The following NRG3 variants were observed in gnomAD, a reference collection of about 807,000 sequenced individuals.
NRG3 encodes the protein pro-neuregulin-3, membrane-bound isoform.
A neutral mutation model predicts 66.9 loss-of-function variants in NRG3; 31 were observed. That is an observed-to-expected ratio of 0.46 (90% CI 0.35 to 0.63). The LOEUF (loss-of-function observed/expected upper bound fraction) is 0.63. NRG3 is among the 20% of genes least tolerant of loss of function. NRG3 has a pLI of 0.00. For missense variants in NRG3, 910 were observed against 878.9 expected, an observed-to-expected ratio of 1.04 and a Z score of -0.45; for synonymous variants, 393 against 359.4, an observed-to-expected ratio of 1.09 and a Z score of -1.06.
intron 1 of NRG3, among the ~76,000 whole-genome samples, chr10:82,325,654 A>G (rs1040124248): frequency 1.3e-5 from 2 of 148,612 alleles, no homozygotes; most frequent in South Asian, 4.3e-4. Flanking sequence ...TCTTACCTCT[A>G]TTTCTTTGTT....
chr10:82,490,705 A>G (rs1482529288), intron 2 of NRG3, among the ~76,000 whole-genome samples: 3 of 152,118 alleles, frequency 2.0e-5, no homozygotes, highest in African/African-American at 7.2e-5. Context: ...CAGATATTTA[A>G]GACAATATCT....
At chr10:82,234,311 A>C (rs1384899695) in intron 1 of NRG3, among the ~76,000 whole-genome samples, 1 of 152,232 alleles carries the variant, frequency 6.6e-6, no homozygotes, top group Non-Finnish European at 1.5e-5. Context: ...AGATCTCCAT[A>C]GAAACACTGT....
chr10:81,991,261 C>A (rs1339474019), intron 1 of NRG3, among the ~76,000 whole-genome samples: 1 of 152,088 alleles, frequency 6.6e-6, no homozygotes, highest in Non-Finnish European at 1.5e-5. Context: ...TTGTTAATAT[C>A]TCTGATCCTT....
At chr10:82,483,281 A>G (rs560130825) in intron 2 of NRG3, among the ~76,000 whole-genome samples, 32 of 152,294 alleles carry the variant, frequency 2.1e-4, no homozygotes, top group African/African-American at 7.7e-4. Context: ...TTGCATACAG[A>G]GTCAGGTGAG....
intron 2 of NRG3, among the ~76,000 whole-genome samples, chr10:82,513,729 G>T (rs972951430): frequency 1.3e-5 from 2 of 152,130 alleles, no homozygotes; most frequent in Non-Finnish European, 2.9e-5. Flanking sequence ...GCAGTGGGCC[G>T]AAATTGAGCC....
At chr10:82,375,550 A>AC (rs1358159812) in intron 2 of NRG3, among the ~76,000 whole-genome samples, 2 of 151,816 alleles carry the variant, frequency 1.3e-5, no homozygotes, top group African/African-American at 4.9e-5. Context: ...AAAAAAAAAA[A>AC]ATTACTGATA....
chr10:82,842,984 A>T (rs901990719), intron 3 of NRG3, among the ~76,000 whole-genome samples: 61 of 152,372 alleles, frequency 4.0e-4, no homozygotes, highest in African/African-American at 1.4e-3. Flanking sequence ...GATAAGATAG[A>T]ATAATTATAA....
At chr10:82,348,266 G>A (rs1186741983) in intron 1 of NRG3, among the ~76,000 whole-genome samples, 2 of 151,990 alleles carry the variant, frequency 1.3e-5, no homozygotes, top group African/African-American at 4.8e-5. Context: ...AGGCCTGGTG[G>A]TGACAAAATC....
At chr10:82,150,656 G>A (rs1393146082) in intron 1 of NRG3, among the ~76,000 whole-genome samples, 1 of 151,720 alleles carries the variant, frequency 6.6e-6, no homozygotes, top group Non-Finnish European at 1.5e-5. Context: ...CTGCAAGAAC[G>A]GACACCACAA....
At chr10:82,679,944 G>A (rs951327283) in intron 2 of NRG3, among the ~76,000 whole-genome samples, 1 of 151,960 alleles carries the variant, frequency 6.6e-6, no homozygotes, top group Non-Finnish European at 1.5e-5. Flanking sequence ...TCAGAGCTAT[G>A]ATATCAAAAT....
intron 1 of NRG3, among the ~76,000 whole-genome samples, chr10:82,127,081 TG>T (rs2068494819): frequency 6.6e-6 from 1 of 152,142 alleles, no homozygotes; most frequent in African/African-American, 2.4e-5. Flanking sequence ...GTCTGCATGC[TG>T]GGTCCCTAAC....
At chr10:82,592,355 G>A (rs1042782076) in intron 2 of NRG3, among the ~76,000 whole-genome samples, 1 of 152,130 alleles carries the variant, frequency 6.6e-6, no homozygotes, top group African/African-American at 2.4e-5. Flanking sequence ...GAGTACATGT[G>A]GGGAGGTTTT....
chr10:82,668,037 A>C (rs2052940413), intron 2 of NRG3, among the ~76,000 whole-genome samples: 1 of 152,182 alleles, frequency 6.6e-6, no homozygotes, highest in South Asian at 2.1e-4. Flanking sequence ...ATATCAAGGA[A>C]GTGAAAAATT....
intron 1 of NRG3, among the ~76,000 whole-genome samples, chr10:82,319,424 G>T (rs139284642): frequency 3.2e-4 from 49 of 152,284 alleles, no homozygotes; most frequent in Non-Finnish European, 5.6e-4. Flanking sequence ...CCTAAATTCC[G>T]CCGAAAGGCA....
intron 1 of NRG3, among the ~76,000 whole-genome samples, chr10:81,992,616 G>C (rs1308738309): frequency 2.0e-5 from 3 of 152,062 alleles, no homozygotes; most frequent in African/African-American, 7.2e-5. Flanking sequence ...AACTGTTTTA[G>C]GTTCCTTTTC....
At chr10:82,293,052 T>TA (rs2079838690) in intron 1 of NRG3, among the ~76,000 whole-genome samples, 1 of 152,126 alleles carries the variant, frequency 6.6e-6, no homozygotes, top group Non-Finnish European at 1.5e-5. Context: ...TATCTCAAAA[T>TA]AAAAAATTGA....
chr10:82,604,299 T>C (rs2047824345), intron 2 of NRG3, among the ~76,000 whole-genome samples: 1 of 152,178 alleles, frequency 6.6e-6, no homozygotes, highest in Non-Finnish European at 1.5e-5. Context: ...ATATAATATG[T>C]AGCCTTTTCA....
chr10:81,915,900 G>A (rs528399630), intron 1 of NRG3, among the ~76,000 whole-genome samples: 6 of 152,054 alleles, frequency 3.9e-5, no homozygotes, highest in Non-Finnish European at 8.8e-5. Context: ...GTACAGGCCC[G>A]TCTCTTGGTC....
intron 3 of NRG3, among the ~76,000 whole-genome samples, chr10:82,757,765 G>T (rs2059137751): frequency 6.6e-6 from 1 of 152,020 alleles, no homozygotes; most frequent in African/African-American, 2.4e-5. Flanking sequence ...TCTGCTAGAA[G>T]GAGAGGCTCA....
Sources: gnomAD v4.1 joint callset for allele counts (sites outside exome capture counted in the v4.1 genomes callset) on GRCh38, gnomAD v4.1.1 for gene constraint, MANE v1.5 for transcripts, NCBI Gene and HGNC (gene_info 2026-07-23, HGNC 2026-07-21) for gene names.